Variants in VKORC1L1 observed in about 807,000 individuals in gnomAD.
VKORC1L1 encodes the protein vitamin K epoxide reductase complex subunit 1L1.
A neutral mutation model predicts 18.9 loss-of-function variants in VKORC1L1; 2 were observed. That is an observed-to-expected ratio of 0.11 (90% CI 0.04 to 0.33). The LOEUF is 0.33. Among genes scored for constraint, VKORC1L1 ranks in the 10% least tolerant of loss-of-function variants. The pLI, the probability that VKORC1L1 is intolerant of heterozygous loss-of-function variation, is 1.00. For synonymous variants in VKORC1L1, 96 were observed against 100.0 expected, an observed-to-expected ratio of 0.96 and a Z score of 0.24; for missense variants, 123 against 224.1, an observed-to-expected ratio of 0.55 and a Z score of 2.88.
intron 1 of VKORC1L1, among the ~76,000 whole-genome samples, chr7:65,883,169 T>G (rs1486542168): frequency 2.2e-5 from 3 of 135,376 alleles, no homozygotes; most frequent in South Asian, 2.3e-4. Flanking sequence ...GGAGATGGAG[T>G]CTCACTCTGT....
At chr7:65,881,888 T>C (rs1466930403) in intron 1 of VKORC1L1, among the ~76,000 whole-genome samples, 2 of 151,856 alleles carry the variant, frequency 1.3e-5, no homozygotes, top group Admixed American at 1.3e-4. Flanking sequence ...AAGACCAGCT[T>C]GGCCAACATG....
At chr7:65,915,079 T>C in intron 1 of VKORC1L1, among the ~76,000 whole-genome samples, 1 of 125,478 alleles carries the variant, frequency 8.0e-6, no homozygotes, top group South Asian at 2.9e-4. Context: ...GCTTATTTTT[T>C]TTCTTTTTTT....
chr7:65,948,860 T>C lies in VKORC1L1; in HGVS notation c.304+80T>C. Reference sequence around the variant, plus strand: ...GTCTTTGCCCTGAAGTGTCTTGATGTTAAAGCATGTGTTATTTATAGAACC... The same window carrying C: ...GTCTTTGCCCTGAAGTGTCTTGATGCTAAAGCATGTGTTATTTATAGAACC... On this transcript the variant is annotated intron_variant, in intron 2 of 2. Transcript: ENST00000360768. 2 of 1,498,086 alleles carry C rather than the reference T, an allele frequency of 1.3e-6. 1 individual carries two copies. Among genetic ancestry groups the C allele is most frequent in the South Asian group, 2.5e-5 (2 of 81,334 alleles). The allele number at this position is 1,498,086 out of a possible 1,614,324, so 92.8% of individuals were successfully genotyped here. A position where few individuals can be genotyped will look rare whatever the true frequency, so the allele number is the denominator to read the frequency against.
intron 1 of VKORC1L1, among the ~76,000 whole-genome samples, chr7:65,941,916 C>T (rs1176350966): frequency 6.6e-6 from 1 of 152,042 alleles, no homozygotes; most frequent in Non-Finnish European, 1.5e-5. Flanking sequence ...CTGCTTTGGC[C>T]TCCCAAAGTG....
intron 1 of VKORC1L1, among the ~76,000 whole-genome samples, chr7:65,942,630 A>C (rs1002447380): frequency 2.0e-5 from 3 of 150,770 alleles, no homozygotes; most frequent in Non-Finnish European, 4.4e-5. Flanking sequence ...GGTTCAAGCG[A>C]TTTTTCTGCC....
At chr7:65,943,626 T>C (rs35046236) in intron 1 of VKORC1L1, among the ~76,000 whole-genome samples, 18,869 of 152,014 alleles carry the variant, frequency 0.12, 1,321 homozygotes, top group Middle Eastern at 0.21. Flanking sequence ...AAACCCCAAC[T>C]GTACTAAAAA....
intron 1 of VKORC1L1, among the ~76,000 whole-genome samples, chr7:65,888,872 G>T (rs1490968418): frequency 6.6e-6 from 1 of 152,158 alleles, no homozygotes; most frequent in East Asian, 1.9e-4. Context: ...GCCATTCTCA[G>T]AAGTATTGGT....
chr7:65,913,355 T>C (rs1260811633), intron 1 of VKORC1L1, among the ~76,000 whole-genome samples: 1 of 152,064 alleles, frequency 6.6e-6, no homozygotes, highest in African/African-American at 2.4e-5. Context: ...CTGCTATTCA[T>C]TGTACTACAG....
intron 2 of VKORC1L1, among the ~76,000 whole-genome samples, chr7:65,951,969 G>GTACC (rs1790220733): frequency 6.6e-6 from 1 of 152,120 alleles, no homozygotes. Context: ...TGAGCCAAAC[G>GTACC]TACCTAGCTG....
intron 1 of VKORC1L1, among the ~76,000 whole-genome samples, chr7:65,932,781 G>C (rs372466533): frequency 3.6e-4 from 55 of 152,180 alleles, no homozygotes; most frequent in African/African-American, 1.2e-3. Flanking sequence ...ATGTGTATTT[G>C]TAAGGAATGT....
At chr7:65,883,370 C>A (rs1239088603) in intron 1 of VKORC1L1, among the ~76,000 whole-genome samples, 1 of 151,950 alleles carries the variant, frequency 6.6e-6, no homozygotes, top group African/African-American at 2.4e-5. Flanking sequence ...AGGCTCGTCT[C>A]GAACTCCTGA....
intron 1 of VKORC1L1, among the ~76,000 whole-genome samples, chr7:65,891,627 A>G (rs1166438517): frequency 6.6e-6 from 1 of 151,978 alleles, no homozygotes; most frequent in Non-Finnish European, 1.5e-5. Context: ...TATTCTCTTA[A>G]AGGTGTCTCT....
intron 1 of VKORC1L1, among the ~76,000 whole-genome samples, chr7:65,895,471 AAAAAAAAAAATATATAT>A (rs1789180519): frequency 3.6e-5 from 2 of 56,002 alleles, no homozygotes; most frequent in East Asian, 5.7e-4. Flanking sequence ...AAAAAAAAAA[AAAAAAAAAAATATATAT>A]ATATATATAT....
chr7:65,919,333 T>G (rs563521488), intron 1 of VKORC1L1, among the ~76,000 whole-genome samples: 2 of 152,312 alleles, frequency 1.3e-5, no homozygotes, highest in African/African-American at 4.8e-5. Flanking sequence ...ACTCCAAAAT[T>G]TTTATTTCTA....
At chr7:65,940,489 G>A (rs1162506548) in intron 1 of VKORC1L1, among the ~76,000 whole-genome samples, 1 of 152,174 alleles carries the variant, frequency 6.6e-6, no homozygotes, top group Non-Finnish European at 1.5e-5. Flanking sequence ...AAACCAAGGA[G>A]AAATGGAAGA....
chr7:65,907,369 C>T (rs1407643344), intron 1 of VKORC1L1, among the ~76,000 whole-genome samples: 2 of 151,972 alleles, frequency 1.3e-5, no homozygotes, highest in African/African-American at 2.4e-5. Flanking sequence ...ACCCGGGAGT[C>T]GGAGGTTGCA....
At chr7:65,917,850 C>T (rs1008915775) in intron 1 of VKORC1L1, among the ~76,000 whole-genome samples, 2 of 152,100 alleles carry the variant, frequency 1.3e-5, no homozygotes, top group African/African-American at 4.8e-5. Context: ...TTTTAATGAA[C>T]ATGTACGCCT....
At chr7:65,882,204 A>G (rs1319550356) in intron 1 of VKORC1L1, among the ~76,000 whole-genome samples, 1 of 151,888 alleles carries the variant, frequency 6.6e-6, no homozygotes, top group Non-Finnish European at 1.5e-5. Flanking sequence ...ACATGGTGAA[A>G]CCCCATCTCT....
intron 1 of VKORC1L1, among the ~76,000 whole-genome samples, chr7:65,917,331 C>T (rs527914626): frequency 1.3e-5 from 2 of 152,268 alleles, no homozygotes; most frequent in African/African-American, 4.8e-5. Context: ...TTCTGCTGTG[C>T]ATGTGGCTAT....
Sources: allele counts gnomAD v4.1 joint callset (sites outside exome capture counted in the v4.1 genomes callset), GRCh38; gene constraint gnomAD v4.1.1; transcripts MANE v1.5; gene names NCBI Gene and HGNC (gene_info 2026-07-23, HGNC 2026-07-21).